Variants in TUFT1 observed in about 807,000 individuals in gnomAD.
TUFT1 encodes the protein tuftelin.
A neutral mutation model predicts 57.8 loss-of-function variants in TUFT1; 43 were observed. That is an observed-to-expected ratio of 0.74 (90% CI 0.58 to 0.96). TUFT1 has a LOEUF of 0.96. Ranked by LOEUF, TUFT1 falls within the 40% of genes least tolerant of loss-of-function variation. The probability of loss-of-function intolerance (pLI) is 0.00; values close to 1 mark genes in which losing one functional copy is unlikely to be tolerated. For synonymous variants in TUFT1, 166 were observed against 176.7 expected (o/e 0.94, Z 0.48); for missense variants, 459 against 489.0 (o/e 0.94, Z 0.58).
chr1:151,569,826 G>A, intron 7 of TUFT1, 56 bp downstream of exon 7: 3 of 1,375,912 alleles, frequency 2.2e-6, no homozygotes, highest in Non-Finnish European at 2.1e-6. Flanking sequence ...CTGAACACAG[G>A]TGCCAGTGAT....
intron 1 of TUFT1, among the ~76,000 whole-genome samples, chr1:151,546,191 T>A (rs1312315786): frequency 6.6e-6 from 1 of 152,140 alleles, no homozygotes; most frequent in African/African-American, 2.4e-5. Context: ...GGAATTTTTT[T>A]ATCAGCTGCA....
chr1:151,550,843 A>G (rs963768657), intron 1 of TUFT1, among the ~76,000 whole-genome samples: 24 of 152,156 alleles, frequency 1.6e-4, no homozygotes, highest in South Asian at 4.2e-4. Context: ...GAGAGGATCA[A>G]TTGAGCCTGG....
intron 1 of TUFT1, among the ~76,000 whole-genome samples, chr1:151,541,513 C>A (rs1340102188): frequency 6.6e-6 from 1 of 152,044 alleles, no homozygotes; most frequent in Non-Finnish European, 1.5e-5. Context: ...TGTGTATCAT[C>A]CCCCCTCCCA....
intron 1 of TUFT1, among the ~76,000 whole-genome samples, chr1:151,555,664 C>G (rs1463666704): frequency 6.7e-6 from 1 of 149,702 alleles, no homozygotes; most frequent in African/African-American, 2.5e-5. Context: ...ATAGTCCCAG[C>G]TACTTGGGAA....
At chr1:151,581,130 G>A in intron 12 of TUFT1, 88 bp downstream of exon 12, 1 of 1,238,878 alleles carries the variant, frequency 8.1e-7, no homozygotes, top group East Asian at 2.4e-5. Context: ...GCTAAGGCAA[G>A]AACAAGGCTC....
At chr1:151,552,563 G>C (rs1571690675) in intron 1 of TUFT1, among the ~76,000 whole-genome samples, 1 of 152,148 alleles carries the variant, frequency 6.6e-6, no homozygotes, top group South Asian at 2.1e-4. Flanking sequence ...AATTAGCTGG[G>C]TGTGGTGGGA....
At chr1:151,573,462 C>G (rs937271354) in intron 7 of TUFT1, among the ~76,000 whole-genome samples, 2 of 152,184 alleles carry the variant, frequency 1.3e-5, no homozygotes, top group Non-Finnish European at 2.9e-5. Context: ...ATTGGTTTCT[C>G]ATCTCTGATA....
At chr1:151,560,956 T>TTG (rs68056033) in intron 1 of TUFT1, among the ~76,000 whole-genome samples, 4,853 of 132,414 alleles carry the variant, frequency 0.037, 124 homozygotes, top group African/African-American at 0.075. Flanking sequence ...CTGCAAAGTA[T>TTG]TGTGTGTGTG....
intron 1 of TUFT1, chr1:151,545,714 G>A (rs552198815): frequency 2.8e-4 from 115 of 406,764 alleles, no homozygotes; most frequent in Non-Finnish European, 4.5e-4. Flanking sequence ...TTTCTTTCTC[G>A]TTTCCTTGAT....
intron 5 of TUFT1, 25 bp downstream of exon 5, chr1:151,564,639 G>T (rs911281894): frequency 6.9e-6 from 11 of 1,598,164 alleles, no homozygotes; most frequent in Non-Finnish European, 9.4e-6. Flanking sequence ...TCCATGGTTG[G>T]GTCCCCACCG....
At chr1:151,546,999 C>G (rs1174026745) in intron 1 of TUFT1, among the ~76,000 whole-genome samples, 3 of 152,168 alleles carry the variant, frequency 2.0e-5, no homozygotes, top group African/African-American at 7.2e-5. Flanking sequence ...TGTGGAAGTC[C>G]TGGTTCTGTG....
chr1:151,568,937 A>G (rs1666162846), intron 6 of TUFT1, among the ~76,000 whole-genome samples: 1 of 152,132 alleles, frequency 6.6e-6, no homozygotes, highest in Non-Finnish European at 1.5e-5. Flanking sequence ...CACCCACAGG[A>G]TGATGATGCA....
chr1:151,574,999 G>T lies in TUFT1; in HGVS notation c.812G>T (p.Arg271Leu). The T allele has an allele frequency of 6.4e-7, 1 of 1,561,026 alleles. No homozygotes were observed. The highest frequency in any genetic ancestry group is 1.9e-5 in the Admixed American group (1 of 52,008). ...RSNNADCQAEREKAATLEKEV... is the reference protein window; with the variant it reads ...RSNNADCQAELEKAATLEKEV... ...AACAATGCTGACTGCCAAGCAGAAC[G>T]AGAAAAGTAAGGGCTTGGCTCTTGT... The change falls in exon 9 of 13, where the codon CGA becomes CTA. Residue 271 changes from arginine (R) to leucine (L), a missense_variant. Physicochemically the swap from Arg to Leu is moderately radical, Grantham distance 102 (BLOSUM62 -2). Transcript: ENST00000368849.
intron 1 of TUFT1, among the ~76,000 whole-genome samples, chr1:151,544,311 G>T (rs9645404): frequency 0.32 from 48,958 of 151,266 alleles, 8,857 homozygotes; most frequent in East Asian, 0.63. Context: ...GCGGTGGGAG[G>T]GGGAGGATGG....
chr1:151,564,001 C>T lies in TUFT1; in HGVS notation c.324+11C>T, dbSNP rs199780655. The T allele has an allele frequency of 4.2e-5, 68 of 1,608,892 alleles. 1 individual carries two copies. In the East Asian group the frequency reaches 7.4e-4, roughly 17 times the overall value. On this transcript the variant is annotated intron_variant, in intron 4 of 12. Coordinates refer to ENST00000368849, the MANE Select transcript of TUFT1 (RefSeq NM_020127.3). ...CAGTACATCCAGGAGGTGGGCACCC[C>T]TTACCTCTCACGCAGTGCCTAGGTC... is the stretch of plus-strand genomic sequence containing the variant.
intron 6 of TUFT1, among the ~76,000 whole-genome samples, chr1:151,568,723 T>G (rs2102545701): frequency 6.6e-6 from 1 of 152,354 alleles, no homozygotes; most frequent in African/African-American, 2.4e-5. Context: ...AATCACCATA[T>G]TTGGCAAATA....
Position 151,562,577 on chromosome 1 carries a change from T to G in TUFT1, c.136-8T>G. Reference sequence around the variant, plus strand: ...CTCTCTCTCTCTCTCTCATCTCTCTTTGGCCAGGCGGGCAGGAAGACCTAT... The same window carrying G: ...CTCTCTCTCTCTCTCTCATCTCTCTGTGGCCAGGCGGGCAGGAAGACCTAT... On this transcript the variant is annotated splice_region_variant and splice_polypyrimidine_tract_variant and intron_variant, in intron 2 of 12. Transcript: ENST00000368849. 6.2e-7 allele frequency: 1 copy of G among 1,607,862 alleles called. No homozygotes were observed. Among genetic ancestry groups the G allele is most frequent in the Non-Finnish European group, 8.5e-7 (1 of 1,176,976 alleles).
rs1289820721 is a variant in TUFT1 at position 151,574,380 on chromosome 1, C to T, written c.705C>T (p.Arg235=). 3 of 1,614,108 alleles carry T rather than the reference C, an allele frequency of 1.9e-6. No individual in the cohort carries two copies. The highest frequency in any genetic ancestry group is 1.3e-5 in the African/African-American group (1 of 75,036). ...KEAEVGELQR[R]LLGMETEHQA... is the part of the protein sequence containing the mutation. The stretch of plus-strand genomic sequence containing the variant: ...CAGAAGTCGGAGAGCTGCAGAGGCG[C>T]TTGCTAGGGATGGAGACGGTAACCG... The change falls in exon 8 of 13, where the codon CGC becomes CGT. Residue 235 remains arginine, a synonymous_variant. Transcript: ENST00000368849.
rs567703401 is a variant in TUFT1, at chr1:151,561,991, C to G, written c.61-100C>G. On this transcript the variant is annotated intron_variant, in intron 1 of 12. Coordinates refer to ENST00000368849, the MANE Select transcript of TUFT1 (RefSeq NM_020127.3). ...TCTGTGAAGTGGTGATGATAAGACC[C>G]GCTCCACAGAGCTGGCAGAAGCACC... 2.0e-6 allele frequency: 3 copies of G among 1,475,924 alleles called. No homozygotes were observed. The African/African-American group carries it at 4.2e-5, about 20-fold the overall frequency. 91.4% of individuals were successfully genotyped at this position (1,475,924 alleles called of 1,614,324 possible).
Sources: gnomAD v4.1 joint callset for allele counts (sites outside exome capture counted in the v4.1 genomes callset) on GRCh38, gnomAD v4.1.1 for gene constraint, MANE v1.5 for transcripts, NCBI Gene and HGNC (gene_info 2026-07-23, HGNC 2026-07-21) for gene names.